WDFY4: variants seen among roughly 807,000 people sequenced by gnomAD.
WDFY4 encodes the protein WDFY family member 4, also known as WD repeat- and FYVE domain-containing protein 4.
A neutral mutation model predicts 351.9 loss-of-function variants in WDFY4; 169 were observed. The ratio of observed to expected loss-of-function variants is 0.48; its 90% CI spans 0.42 to 0.55. The LOEUF is 0.55. Ranked by LOEUF, WDFY4 falls within the 20% of genes least tolerant of loss-of-function variation. The pLI, the probability that WDFY4 is intolerant of heterozygous loss-of-function variation, is 0.00. For synonymous variants in WDFY4, 1,622 were observed against 1,574.6 expected, an observed-to-expected ratio of 1.03 and a Z score of -0.71; for missense variants, 3,803 against 3,935.6, an observed-to-expected ratio of 0.97 and a Z score of 0.90.
intron 43 of WDFY4, among the ~76,000 whole-genome samples, chr10:48,881,725 C>A (rs2070256295): frequency 1.3e-5 from 2 of 152,182 alleles, no homozygotes; most frequent in Non-Finnish European, 2.9e-5. Context: ...TCCTGGCTGG[C>A]TGGTGGGACA....
chr10:48,700,290 T>G (rs140463111), intron 1 of WDFY4, among the ~76,000 whole-genome samples: 1 of 152,314 alleles, frequency 6.6e-6, no homozygotes, highest in African/African-American at 2.4e-5. Context: ...TCCTTTGCTT[T>G]GTACGTTATG....
At chr10:48,803,125 C>T (rs1322119556) in intron 24 of WDFY4, among the ~76,000 whole-genome samples, 161 bp from the exon 25 acceptor site, 2 of 152,282 alleles carry the variant, frequency 1.3e-5, no homozygotes, top group Admixed American at 6.5e-5. Flanking sequence ...CACCTCTCTG[C>T]TTGGAGTGTC....
At chr10:48,862,098 A>G (rs1432154135) in intron 39 of WDFY4, among the ~76,000 whole-genome samples, 2 of 152,174 alleles carry the variant, frequency 1.3e-5, no homozygotes, top group African/African-American at 4.8e-5. Flanking sequence ...TAGTTGTTGA[A>G]GCATTTTTAT....
intron 53 of WDFY4, among the ~76,000 whole-genome samples, chr10:48,962,668 T>A (rs1462945931): frequency 6.6e-6 from 1 of 152,170 alleles, no homozygotes; most frequent in African/African-American, 2.4e-5. Context: ...GGATGACACC[T>A]TTTATGAGGG....
intron 43 of WDFY4, among the ~76,000 whole-genome samples, chr10:48,888,818 AT>A (rs2070574353): frequency 6.6e-6 from 1 of 152,186 alleles, no homozygotes; most frequent in South Asian, 2.1e-4. Context: ...ACCAAGAATA[AT>A]GTCCAAGAAC....
intron 11 of WDFY4, among the ~76,000 whole-genome samples, chr10:48,740,787 T>C (rs2127588): frequency 0.98 from 148,802 of 152,290 alleles, 72,801 homozygotes; most frequent in East Asian, 1. Context: ...GTGGGTGGCC[T>C]TGATGCTGGG....
At chr10:48,689,568 A>C (rs1468133887) in intron 1 of WDFY4, among the ~76,000 whole-genome samples, 1 of 152,252 alleles carries the variant, frequency 6.6e-6, no homozygotes, top group East Asian at 1.9e-4. Context: ...TTTATTTTTA[A>C]AATGTGTCTA....
intron 49 of WDFY4, 147 bp downstream of exon 49, chr10:48,943,596 C>G: frequency 2.4e-6 from 2 of 846,192 alleles, no homozygotes; most frequent in South Asian, 2.2e-5. Flanking sequence ...AAGCTCAGAT[C>G]TCTTTTTTTT....
At chr10:48,811,736 A>G (rs2067454578) in intron 30 of WDFY4, 28 bp downstream of exon 30, 1 of 1,547,036 alleles carries the variant, frequency 6.5e-7, no homozygotes, top group East Asian at 2.4e-5. Flanking sequence ...CCACAGGGTG[A>G]CACACTTGGT....
chr10:48,900,406 C>A, intron 46 of WDFY4, 100 bp downstream of exon 46: 2 of 1,154,992 alleles, frequency 1.7e-6, no homozygotes, highest in South Asian at 1.6e-5. Context: ...GTGTTCTCAA[C>A]CCACAGTGAA....
At chr10:48,827,390 G>A (rs1023756783) in intron 36 of WDFY4, among the ~76,000 whole-genome samples, 1 of 151,268 alleles carries the variant, frequency 6.6e-6, no homozygotes, top group South Asian at 2.1e-4. Context: ...TAGTTAAAAA[G>A]CTATTAAATT....
chr10:48,871,721 C>A (rs941625387), intron 40 of WDFY4, among the ~76,000 whole-genome samples: 7 of 152,146 alleles, frequency 4.6e-5, no homozygotes, highest in African/African-American at 1.7e-4. Flanking sequence ...AAGAAATTCT[C>A]CCACCTTGGC....
Position 48,946,856 on chromosome 10 carries a change from G to T in WDFY4, c.7868-4G>T. 1 of 1,551,260 alleles carries T rather than the reference G, an allele frequency of 6.4e-7. No individual in the cohort carries two copies. The highest frequency in any genetic ancestry group is 1.2e-5 in the South Asian group (1 of 84,036). ...CAGCCCTCAAGCATGTGTTTTTGTT[G>T]CAGGAGACATGACTGTCCAGTGCCA... is the stretch of plus-strand genomic sequence containing the variant. On this transcript the variant is annotated splice_polypyrimidine_tract_variant and splice_region_variant and intron_variant, in intron 50 of 61. Transcript: ENST00000325239.
At chr10:48,767,514 G>A (rs929744544) in intron 13 of WDFY4, among the ~76,000 whole-genome samples, 1 of 152,214 alleles carries the variant, frequency 6.6e-6, no homozygotes. Context: ...TTATGAGTCA[G>A]AAGACTCAGT....
intron 39 of WDFY4, among the ~76,000 whole-genome samples, chr10:48,848,592 G>A (rs900303169): frequency 1.3e-5 from 2 of 152,300 alleles, no homozygotes; most frequent in East Asian, 1.9e-4. Context: ...CAGCTGTGGC[G>A]ATTTGGGCCC....
chr10:48,900,448 C>T lies in WDFY4; in HGVS notation c.7523+142C>T, dbSNP rs1837041651. ...TCAGGCTGGGCCCAGGGAGGCACTG[C>T]TGGCCTGCAGAACTGCCAAGTCATG... On this transcript the variant is annotated intron_variant, in intron 46 of 61. Coordinates refer to ENST00000325239, the MANE Select transcript of WDFY4 (RefSeq NM_001394531.1). The T allele has an allele frequency of 7.0e-6, 5 of 712,316 alleles. No individual in the cohort carries two copies. The Admixed American group carries it at 1.2e-4, about 18-fold the overall frequency. The allele number at this position is 712,316 out of a possible 1,614,324, so 44.1% of individuals were successfully genotyped here. A position where few individuals can be genotyped will look rare whatever the true frequency, so the allele number is the denominator to read the frequency against.
chr10:48,803,469 C>G (rs1335944805), intron 25 of WDFY4, 110 bp downstream of exon 25: 22 of 1,060,366 alleles, frequency 2.1e-5, no homozygotes, highest in Non-Finnish European at 2.6e-5. Context: ...CACTGGGTCC[C>G]CAAATGGGAG....
At chr10:48,754,604 A>G (rs904398467) in intron 12 of WDFY4, among the ~76,000 whole-genome samples, 1 of 151,628 alleles carries the variant, frequency 6.6e-6, no homozygotes, top group Admixed American at 6.6e-5. Flanking sequence ...TATATTATAC[A>G]CAATAATTAT....
intron 47 of WDFY4, among the ~76,000 whole-genome samples, chr10:48,920,274 C>A (rs10745285): frequency 0.64 from 96,174 of 151,426 alleles, 31,219 homozygotes; most frequent in East Asian, 1. Context: ...GGACAAAAAA[C>A]CAAATACCAC....
Sources: gnomAD v4.1 joint callset for allele counts (sites outside exome capture counted in the v4.1 genomes callset) on GRCh38, gnomAD v4.1.1 for gene constraint, MANE v1.5 for transcripts, NCBI Gene and HGNC (gene_info 2026-07-23, HGNC 2026-07-21) for gene names.